CLVS1: variants seen among roughly 807,000 people sequenced by gnomAD.
The protein encoded by CLVS1 is clavesin-1.
CLVS1 carries 10 observed loss-of-function variants against 33.1 expected under a neutral mutation model. The observed-to-expected ratio is 0.30, with a 90% confidence interval of 0.19 to 0.51. The LOEUF (loss-of-function observed/expected upper bound fraction) is 0.51, where lower values mean the gene tolerates loss of function less well. Among genes scored for constraint, CLVS1 ranks in the 20% least tolerant of loss-of-function variants. The pLI is 0.97. For missense variants in CLVS1, 343 were observed against 433.4 expected (o/e 0.79, Z 1.85); for synonymous variants, 163 against 166.1 (o/e 0.98, Z 0.14).
chr8:61,064,485 T>C (rs1249309138), intron 1 of CLVS1, among the ~76,000 whole-genome samples: 1 of 152,164 alleles, frequency 6.6e-6, no homozygotes, highest in Non-Finnish European at 1.5e-5. Flanking sequence ...CATGTGCTTC[T>C]CAGCTATCTG....
chr8:60,978,380 G>A, the CLVS1 span, among the ~76,000 whole-genome samples: 4 of 152,190 alleles, frequency 2.6e-5, no homozygotes, highest in African/African-American at 9.7e-5. Context: ...TGTAATCTGT[G>A]AGAAAAACAA....
At chr8:61,029,698 A>G in the CLVS1 span, among the ~76,000 whole-genome samples, 3 of 152,096 alleles carry the variant, frequency 2.0e-5, no homozygotes, top group Non-Finnish European at 4.4e-5. Context: ...TGCTGCACCC[A>G]TCAACCCAAG....
chr8:61,256,362 A>T (rs1030912846), intron 2 of CLVS1, among the ~76,000 whole-genome samples: 5 of 152,188 alleles, frequency 3.3e-5, no homozygotes, highest in African/African-American at 9.7e-5. Flanking sequence ...AAAATACAAA[A>T]ATTAGCCGGG....
chr8:61,465,311 G>T (rs1489868628), intron 5 of CLVS1: 1 of 152,002 alleles, frequency 6.6e-6, no homozygotes, highest in African/African-American at 2.4e-5. Context: ...ATCACTTTTC[G>T]TAATCTGGCT....
intron 3 of CLVS1, among the ~76,000 whole-genome samples, chr8:61,433,213 C>G (rs1448883178): frequency 2.6e-5 from 4 of 152,238 alleles, no homozygotes; most frequent in Non-Finnish European, 5.9e-5. Context: ...ATTGGCCTCC[C>G]AAAGTGCTGG....
At chr8:61,474,086 A>G (rs897022590) in intron 5 of CLVS1, among the ~76,000 whole-genome samples, 2 of 152,298 alleles carry the variant, frequency 1.3e-5, no homozygotes, top group South Asian at 2.1e-4. Context: ...GAAAGAAAAG[A>G]AGAATGAGTG....
intron 2 of CLVS1, among the ~76,000 whole-genome samples, chr8:61,167,304 C>T (rs138419755): frequency 9.6e-4 from 144 of 150,246 alleles, no homozygotes; most frequent in African/African-American, 3.3e-3. Context: ...AAGCCATTCT[C>T]CTGCCTCAGC....
chr8:61,438,227 G>A (rs539844388), intron 3 of CLVS1, among the ~76,000 whole-genome samples: 42 of 152,124 alleles, frequency 2.8e-4, no homozygotes, highest in East Asian at 1.5e-3. Flanking sequence ...CCCTCCCTGC[G>A]TCTATGTGTT....
intron 1 of CLVS1, among the ~76,000 whole-genome samples, chr8:61,071,944 C>T (rs940111795): frequency 6.6e-6 from 1 of 152,204 alleles, no homozygotes; most frequent in Non-Finnish European, 1.5e-5. Context: ...CACCCTGCCA[C>T]TCTTATTTCC....
At chr8:61,476,305 T>C (rs1407344448) in intron 5 of CLVS1, among the ~76,000 whole-genome samples, 2 of 152,180 alleles carry the variant, frequency 1.3e-5, no homozygotes, top group African/African-American at 4.8e-5. Flanking sequence ...CATATGAACT[T>C]TAAAGTAGTT....
At chr8:61,375,343 T>A (rs1001189156) in intron 2 of CLVS1, among the ~76,000 whole-genome samples, 1 of 151,312 alleles carries the variant, frequency 6.6e-6, no homozygotes, top group Non-Finnish European at 1.5e-5. Flanking sequence ...CTTCACCTCC[T>A]GGGTTCAAGC....
intron 3 of CLVS1, among the ~76,000 whole-genome samples, chr8:61,403,878 C>T (rs1814872429): frequency 6.6e-6 from 1 of 152,192 alleles, no homozygotes; most frequent in Admixed American, 6.5e-5. Context: ...ATGGGAAATG[C>T]TGCTTCGAGA....
At chr8:61,348,838 A>C (rs1429139342) in intron 2 of CLVS1, among the ~76,000 whole-genome samples, 1 of 152,170 alleles carries the variant, frequency 6.6e-6, no homozygotes, top group East Asian at 1.9e-4. Flanking sequence ...CATTCTCACC[A>C]ACAGTATACA....
At chr8:61,156,080 G>C (rs574644349) in intron 2 of CLVS1, among the ~76,000 whole-genome samples, 5 of 152,096 alleles carry the variant, frequency 3.3e-5, no homozygotes, top group South Asian at 2.1e-4. Flanking sequence ...TGGGCGTGGT[G>C]GTGGGTGCTT....
At chr8:61,068,229 G>GTATATATATATATA (rs201671807) in intron 1 of CLVS1, among the ~76,000 whole-genome samples, 128 of 101,008 alleles carry the variant, frequency 1.3e-3, no homozygotes, top group African/African-American at 4.4e-3. Context: ...GTATGTATGT[G>GTATATATATATATA]TATATATATA....
chr8:61,072,507 C>G (rs925454458), intron 1 of CLVS1, among the ~76,000 whole-genome samples: 3 of 152,018 alleles, frequency 2.0e-5, no homozygotes, highest in Non-Finnish European at 4.4e-5. Flanking sequence ...TTCTCTTATT[C>G]CAAGCATGCA....
chr8:61,053,440 G>A (rs1804419853), upstream of CLVS1, among the ~76,000 whole-genome samples: 1 of 152,248 alleles, frequency 6.6e-6, no homozygotes, highest in South Asian at 2.1e-4. Context: ...AGTGTTTCAA[G>A]GAGGAGGGAG....
intron 2 of CLVS1, among the ~76,000 whole-genome samples, chr8:61,373,772 C>G (rs756415107): frequency 1.3e-5 from 2 of 152,128 alleles, no homozygotes; most frequent in African/African-American, 4.8e-5. Context: ...TGCTATGTAA[C>G]AAACCATCTC....
In CLVS1 at chr8:61,365,874, G is replaced by T. The variant is rs1191945825; in HGVS notation, c.456-10731G>T. On this transcript the variant is annotated intron_variant, in intron 2 of 5. Transcript: ENST00000325897. ...ATCTGGTGACCTACTGCCTGCTTTT[G>T]GTTTGTGGATGTAGAAAAACCCTGG... Among the ~76,000 whole-genome samples, 5 of 152,078 alleles carry T rather than the reference G, an allele frequency of 3.3e-5. No individual in the cohort carries two copies. In the South Asian group the frequency reaches 1.0e-3, roughly 32 times the overall value.
Sources: allele counts gnomAD v4.1 joint callset (sites outside exome capture counted in the v4.1 genomes callset), GRCh38; gene constraint gnomAD v4.1.1; transcripts MANE v1.5; gene names NCBI Gene and HGNC (gene_info 2026-07-23, HGNC 2026-07-21).